Variants in SHC3 observed in about 807,000 individuals in gnomAD.
SHC3 encodes SHC-transforming protein 3.
A neutral mutation model predicts 60.4 loss-of-function variants in SHC3; 15 were observed. That is an observed-to-expected ratio of 0.25 (90% CI 0.17 to 0.38). The LOEUF is 0.38. SHC3 is among the 10% of genes least tolerant of loss of function. The pLI is 1.00. For synonymous variants in SHC3, 294 were observed against 325.9 expected (o/e 0.90, Z 1.05); for missense variants, 677 against 786.1 (o/e 0.86, Z 1.66).
At chr9:89,049,093 C>T (rs564128891) in intron 7 of SHC3, among the ~76,000 whole-genome samples, 4 of 152,154 alleles carry the variant, frequency 2.6e-5, no homozygotes, top group African/African-American at 9.7e-5. Context: ...AATCCCATCT[C>T]TACTAAAAAT....
chr9:89,110,220 A>G (rs909961640), intron 2 of SHC3: 1 of 985,440 alleles, frequency 1.0e-6, no homozygotes, highest in Non-Finnish European at 1.2e-6. Context: ...TTGTGTATAC[A>G]AAGTGAAATG....
chr9:89,134,787 A>C (rs1826296347), intron 1 of SHC3, among the ~76,000 whole-genome samples: 1 of 152,120 alleles, frequency 6.6e-6, no homozygotes, highest in South Asian at 2.1e-4. Flanking sequence ...AAAATCTTTA[A>C]GGGCTCTCAT....
chr9:89,083,012 G>A (rs1225368234), intron 2 of SHC3, among the ~76,000 whole-genome samples: 1 of 152,110 alleles, frequency 6.6e-6, no homozygotes, highest in Non-Finnish European at 1.5e-5. Flanking sequence ...TTTCTCTCCA[G>A]CCTTCCCAGG....
intron 2 of SHC3, among the ~76,000 whole-genome samples, chr9:89,111,480 G>T (rs58455500): frequency 0.036 from 5,430 of 152,020 alleles, 292 homozygotes; most frequent in African/African-American, 0.12. Context: ...AAATGTTCAT[G>T]AACCATTTTC....
intron 6 of SHC3, among the ~76,000 whole-genome samples, chr9:89,063,632 G>A (rs1012240618): frequency 2.0e-5 from 3 of 152,188 alleles, no homozygotes; most frequent in African/African-American, 7.2e-5. Context: ...CAAGGTCCCA[G>A]GTGTGGAAGC....
In SHC3 at chr9:89,007,610, A is replaced by G. The variant is rs1825958854; in HGVS notation, c.*5837T>C. The G allele has an allele frequency of 6.6e-6, 1 of 152,356 alleles. No homozygotes were observed. Among genetic ancestry groups the G allele is most frequent in the Non-Finnish European group, 1.5e-5 (1 of 68,134 alleles). The allele number at this position is 152,356 out of a possible 1,614,324, so 9.4% of individuals were successfully genotyped here. Reference sequence around the variant, plus strand: ...TACACGAAAGCATGACATCACGAGCACAGCCTCCTCCACCACACCTTCCCT... The same window carrying G: ...TACACGAAAGCATGACATCACGAGCGCAGCCTCCTCCACCACACCTTCCCT... On this transcript the variant is annotated 3_prime_UTR_variant, in exon 12 of 12. Transcript: ENST00000375835.
chr9:89,174,253 A>G (rs1049909092), intron 1 of SHC3, among the ~76,000 whole-genome samples: 1 of 152,236 alleles, frequency 6.6e-6, no homozygotes, highest in African/African-American at 2.4e-5. Flanking sequence ...ACCACCCCAA[A>G]TATCATTAGA....
intron 6 of SHC3, among the ~76,000 whole-genome samples, chr9:89,055,806 A>T (rs1056390484): frequency 2.0e-5 from 3 of 152,228 alleles, no homozygotes; most frequent in Non-Finnish European, 4.4e-5. Flanking sequence ...ACAGTTATCC[A>T]TGCTGCTTCT....
At chr9:89,175,093 A>C (rs936990594) in intron 1 of SHC3, among the ~76,000 whole-genome samples, 2 of 152,274 alleles carry the variant, frequency 1.3e-5, no homozygotes, top group Non-Finnish European at 2.9e-5. Flanking sequence ...ATGGAAATTT[A>C]ATGAAAATAG....
chr9:89,109,718 A>G lies in SHC3; in HGVS notation c.545+2838T>C, dbSNP rs1283127511. ...TGCACTCCAGGTTGTGATTCTCACCAACATCTTCAGGCATCTCCAGGCTCC... is the reference window on the plus strand; with the variant it reads ...TGCACTCCAGGTTGTGATTCTCACCGACATCTTCAGGCATCTCCAGGCTCC... On this transcript the variant is annotated intron_variant, in intron 2 of 11. Coordinates refer to ENST00000375835, the MANE Select transcript of SHC3 (RefSeq NM_016848.6). 8.1e-6 allele frequency: 8 copies of G among 985,370 alleles called. No individual in the cohort carries two copies. In the African/African-American group the frequency reaches 1.4e-4, roughly 17 times the overall value. 61.0% of individuals were successfully genotyped at this position (985,370 alleles called of 1,614,324 possible).
At chr9:89,045,863 A>T in intron 8 of SHC3, 30 bp from the exon 9 acceptor site, 1 of 1,605,864 alleles carries the variant, frequency 6.2e-7, no homozygotes, top group African/African-American at 1.3e-5. Flanking sequence ...CACAGAATGA[A>T]AAAATTATTT....
At chr9:89,018,932 A>G (rs1826150184) in intron 11 of SHC3, among the ~76,000 whole-genome samples, 1 of 151,536 alleles carries the variant, frequency 6.6e-6, no homozygotes, top group Admixed American at 6.6e-5. Flanking sequence ...CATGGTGGGT[A>G]CCTGTAATCC....
chr9:89,101,270 C>T (rs1474454689), intron 2 of SHC3, among the ~76,000 whole-genome samples: 4 of 152,116 alleles, frequency 2.6e-5, no homozygotes, highest in Non-Finnish European at 5.9e-5. Context: ...TATCCTACAA[C>T]CTTGCTAAAC....
intron 2 of SHC3, chr9:89,110,284 G>C: frequency 1.0e-6 from 1 of 984,056 alleles, no homozygotes; most frequent in Non-Finnish European, 1.2e-6. Context: ...CAGATAATTA[G>C]GGATTAATTA....
chr9:89,108,218 C>T (rs1422775991), intron 2 of SHC3, among the ~76,000 whole-genome samples: 1 of 152,068 alleles, frequency 6.6e-6, no homozygotes, highest in Non-Finnish European at 1.5e-5. Context: ...ACGCATCTCT[C>T]AGAACTATCC....
At chr9:89,135,132 A>G (rs1182642710) in intron 1 of SHC3, among the ~76,000 whole-genome samples, 1 of 152,214 alleles carries the variant, frequency 6.6e-6, no homozygotes, top group African/African-American at 2.4e-5. Flanking sequence ...ACAGGAAACA[A>G]TTAGAGAAAC....
At chr9:89,116,328 T>C (rs1826018569) in intron 1 of SHC3, among the ~76,000 whole-genome samples, 1 of 152,148 alleles carries the variant, frequency 6.6e-6, no homozygotes, top group Non-Finnish European at 1.5e-5. Context: ...TGACAAACTT[T>C]GCAGTCTGTG....
intron 2 of SHC3, among the ~76,000 whole-genome samples, chr9:89,111,118 T>C (rs1825941374): frequency 6.6e-6 from 1 of 152,238 alleles, no homozygotes; most frequent in Admixed American, 6.5e-5. Flanking sequence ...TTGTCCAGTG[T>C]GTTGTGTGTG....
intron 5 of SHC3, among the ~76,000 whole-genome samples, chr9:89,069,574 A>C (rs1363076119): frequency 6.6e-6 from 1 of 152,234 alleles, no homozygotes; most frequent in Non-Finnish European, 1.5e-5. Flanking sequence ...TTGACAATTA[A>C]GCAGAGATAT....
Sources: allele counts gnomAD v4.1 joint callset (sites outside exome capture counted in the v4.1 genomes callset), GRCh38; gene constraint gnomAD v4.1.1; transcripts MANE v1.5; gene names NCBI Gene and HGNC (gene_info 2026-07-23, HGNC 2026-07-21).